RAB3IL1: variants seen among roughly 807,000 people sequenced by gnomAD.
RAB3IL1 encodes guanine nucleotide exchange factor for Rab-3A.
In RAB3IL1, 37 loss-of-function variants were observed where a neutral mutation model predicts 49.2. That is an observed-to-expected ratio of 0.75 (90% confidence interval 0.58 to 0.99). RAB3IL1 has a LOEUF of 0.99. RAB3IL1 is among the 50% of genes least tolerant of loss of function. The pLI is 0.00. For synonymous variants in RAB3IL1, 193 were observed against 213.9 expected (o/e 0.90, Z 0.85); for missense variants, 484 against 513.0 (o/e 0.94, Z 0.55).
At chr11:61,939,726 G>T in the RAB3IL1 span, among the ~76,000 whole-genome samples, 17 of 152,118 alleles carry the variant, frequency 1.1e-4, no homozygotes, top group African/African-American at 4.1e-4. Context: ...CAGTGCGGGG[G>T]AATTGTTTGA....
At chr11:61,943,867 C>T in the RAB3IL1 span, among the ~76,000 whole-genome samples, 1 of 151,874 alleles carries the variant, frequency 6.6e-6, no homozygotes, top group South Asian at 2.1e-4. Flanking sequence ...GATTGCCCCT[C>T]AATATTAAAA....
chr11:61,906,700 T>C lies in RAB3IL1; in HGVS notation c.439-16A>G, dbSNP rs199864757. ...GCATGTCGATCTGCATGGGATGGGA[T>C]GGCTGTCAACCCTCACCCAGACTGG... On this transcript the variant is annotated splice_polypyrimidine_tract_variant and intron_variant, in intron 4 of 9. Transcript: ENST00000394836. This position sits in a 1 kb window ranked among gnomAD's most constrained non-coding sequence, Gnocchi z 4.6. The C allele has an allele frequency of 4.2e-5, 67 of 1,595,262 alleles. No individual in the cohort carries two copies. The highest frequency in any genetic ancestry group is 2.4e-5 in the Non-Finnish European group (28 of 1,171,172).
chr11:61,914,564 C>G (rs1007084482), intron 1 of RAB3IL1, among the ~76,000 whole-genome samples: 2 of 152,170 alleles, frequency 1.3e-5, no homozygotes, highest in Non-Finnish European at 2.9e-5. Context: ...AGGGGGACAA[C>G]CCAGTTTGGA....
At chr11:61,907,987 G>T in intron 2 of RAB3IL1, 67 bp downstream of exon 2, 3 of 1,540,202 alleles carry the variant, frequency 1.9e-6, no homozygotes, top group Non-Finnish European at 2.6e-6. Flanking sequence ...CACCTGATGA[G>T]AGCCCACAGC....
At chr11:61,904,477 G>T in intron 7 of RAB3IL1, 69 bp downstream of exon 7, 1 of 1,428,298 alleles carries the variant, frequency 7.0e-7, no homozygotes, top group Admixed American at 1.9e-5. Flanking sequence ...CCACCCCTCG[G>T]CACAGTAAAC....
chr11:61,912,102 G>T (rs1307044532), intron 1 of RAB3IL1, among the ~76,000 whole-genome samples: 4 of 152,222 alleles, frequency 2.6e-5, no homozygotes, highest in Non-Finnish European at 5.9e-5. Flanking sequence ...TGGGCACAAT[G>T]GATTCATTCA....
At chr11:61,935,345 G>A in the RAB3IL1 span, among the ~76,000 whole-genome samples, 106 of 150,918 alleles carry the variant, frequency 7.0e-4, no homozygotes, top group Middle Eastern at 0.01. Context: ...GCTTGAACCC[G>A]TGTGGCAGAG....
chr11:61,917,263 G>A, intron 1 of RAB3IL1, 94 bp downstream of exon 1: 1 of 1,330,316 alleles, frequency 7.5e-7, no homozygotes, highest in Non-Finnish European at 9.6e-7. Flanking sequence ...CCGGGTGGCG[G>A]CGCAGACCCG....
Position 61,906,094 on chromosome 11 carries a change from T to C in RAB3IL1, c.657+372A>G, listed in dbSNP as rs907517514. 1.3e-5 allele frequency among the ~76,000 whole-genome samples: 2 copies of C among 151,844 alleles called. No homozygotes were observed. The highest frequency in any genetic ancestry group is 1.3e-4 in the Admixed American group (2 of 15,262). Reference sequence around the variant, plus strand: ...GTGGCCACACGGGGTCCAGGCAGCCTCTCCCCTGAGGCCCAGTGGCTGCTG... The same window carrying C: ...GTGGCCACACGGGGTCCAGGCAGCCCCTCCCCTGAGGCCCAGTGGCTGCTG... On this transcript the variant is annotated intron_variant, in intron 5 of 9. Transcript: ENST00000394836. The surrounding 1 kb of genome is among the most constrained non-coding windows in gnomAD (Gnocchi z 4.6).
upstream of RAB3IL1, chr11:61,920,272 T>C: frequency 1.6e-6 from 2 of 1,234,240 alleles, no homozygotes; most frequent in East Asian, 6.3e-5. Flanking sequence ...CCCACCAGGC[T>C]GAGCCTCACA....
chr11:61,914,885 C>A (rs1939610725), intron 1 of RAB3IL1, among the ~76,000 whole-genome samples: 1 of 152,194 alleles, frequency 6.6e-6, no homozygotes, highest in Admixed American at 6.5e-5. Context: ...CAAATATACA[C>A]CTGCCAGAGC....
At chr11:61,921,754 A>G (rs545334791), upstream of RAB3IL1, among the ~76,000 whole-genome samples, 2 of 152,134 alleles carry the variant, frequency 1.3e-5, no homozygotes, top group Non-Finnish European at 2.9e-5. Flanking sequence ...CCCTGTCTTC[A>G]TTTGGCCCAA....
At chr11:61,937,925 T>C in the RAB3IL1 span, 1 of 152,036 alleles carries the variant, frequency 6.6e-6, no homozygotes, top group Non-Finnish European at 1.5e-5. Flanking sequence ...ATACTAAAAT[T>C]GGAATGATAC....
the RAB3IL1 span, among the ~76,000 whole-genome samples, chr11:61,927,181 ATCTCTCTCTTTT>A: frequency 6.6e-6 from 1 of 151,980 alleles, no homozygotes; most frequent in African/African-American, 2.4e-5. Flanking sequence ...ACCTCCCTCC[ATCTCTCTCTTTT>A]TCTCTCTCTC....
chr11:61,928,285 T>C, the RAB3IL1 span, among the ~76,000 whole-genome samples: 1 of 152,142 alleles, frequency 6.6e-6, no homozygotes, highest in African/African-American at 2.4e-5. Context: ...CAGCCAAAGC[T>C]GGGAGCTTTG....
chr11:61,903,080 G>A (rs1310363438), intron 7 of RAB3IL1, among the ~76,000 whole-genome samples: 5 of 151,788 alleles, frequency 3.3e-5, no homozygotes, highest in East Asian at 1.9e-4. Context: ...GCATGACGTC[G>A]CTCAGCATCT....
In RAB3IL1 at chr11:61,906,648, T is replaced by C; in HGVS notation, c.475A>G (p.Thr159Ala). Residue 159 changes from threonine (T) to alanine (A), a missense_variant, in exon 5 of 10, where the codon ACG (threonine) becomes GCG (alanine). Physicochemically the swap from Thr to Ala is moderately conservative, Grantham distance 58. Transcript: ENST00000394836. The surrounding 1 kb of genome is among the most constrained non-coding windows in gnomAD (Gnocchi z 4.6). Reference sequence around the variant, plus strand: ...GCTGGTGTGGACGTGATGACCAGCGTCTTCAAGGCTGTCACCTCTGCCTGC... The same window carrying C: ...GCTGGTGTGGACGTGATGACCAGCGCCTTCAAGGCTGTCACCTCTGCCTGC... ...MLQAEVTALK[T>A]LVITSTPASP... is the part of the protein sequence containing the mutation. 6.2e-7 allele frequency: 1 copy of C among 1,610,762 alleles called. No homozygotes were observed. The highest frequency in any genetic ancestry group is 8.5e-7 in the Non-Finnish European group (1 of 1,178,950).
At chr11:61,904,695 G>A (rs1022798324) in intron 6 of RAB3IL1, 37 bp from the exon 7 acceptor site, 1 of 1,594,408 alleles carries the variant, frequency 6.3e-7, no homozygotes, top group African/African-American at 1.3e-5. Flanking sequence ...GGTGGTAAGG[G>A]GCTGGGCCCT....
At chr11:61,915,810 G>A (rs1243033504) in intron 1 of RAB3IL1, among the ~76,000 whole-genome samples, 1 of 152,116 alleles carries the variant, frequency 6.6e-6, no homozygotes, top group East Asian at 1.9e-4. Flanking sequence ...GGCTGAGGCG[G>A]GCGGATCACA....
Sources: allele counts gnomAD v4.1 joint callset (sites outside exome capture counted in the v4.1 genomes callset), GRCh38; gene constraint gnomAD v4.1.1; non-coding constraint Gnocchi (gnomAD v3.1); transcripts MANE v1.5; gene names NCBI Gene and HGNC (gene_info 2026-07-23, HGNC 2026-07-21).